The following CEP295 variants were observed in gnomAD, a reference collection of about 807,000 sequenced individuals.
CEP295 encodes the protein centrosomal protein 295, also known as centrosomal protein of 295 kDa.
In CEP295, 190 loss-of-function variants were observed where a neutral mutation model predicts 291.6. That is an observed-to-expected ratio of 0.65 (90% CI 0.58 to 0.73). The LOEUF (loss-of-function observed/expected upper bound fraction) is 0.73, where lower values mean the gene tolerates loss of function less well. CEP295 is among the 30% of genes least tolerant of loss of function. The pLI is 0.00. For synonymous variants in CEP295, 993 were observed against 1,038.8 expected (o/e 0.96, Z 0.85); for missense variants, 2,863 against 2,949.4 (o/e 0.97, Z 0.68).
chr11:93,722,338 T>A (rs572291047), intron 20 of CEP295, among the ~76,000 whole-genome samples: 1 of 152,008 alleles, frequency 6.6e-6, no homozygotes, highest in East Asian at 1.9e-4. Context: ...GGTAAGTGCC[T>A]GTAGTCCCAG....
rs1951923838 is a variant in CEP295 at position 93,697,756 on chromosome 11, T to C, written c.2844T>C (p.Asn948=). 1 of 1,551,562 alleles carries C rather than the reference T, an allele frequency of 6.4e-7. No homozygotes were observed. The highest frequency in any genetic ancestry group is 1.4e-5 in the African/African-American group (1 of 73,036). The change falls in exon 15 of 30, where the codon AAT becomes AAC. Residue 948 remains asparagine, a synonymous_variant. Transcript: ENST00000325212. ...CACAGCCTATCCTATCACAGCAAAA[T>C]AATTTTAAATTTCTCCAAGAGCAGT... is the stretch of plus-strand genomic sequence containing the variant. ...SLSQPILSQQ[N]NFKFLQEQLN...
At chr11:93,717,557 A>C (rs905547199) in intron 18 of CEP295, among the ~76,000 whole-genome samples, 3 of 152,234 alleles carry the variant, frequency 2.0e-5, no homozygotes, top group Non-Finnish European at 4.4e-5. Context: ...ATTCTGTTTC[A>C]GTACCTGAAA....
chr11:93,687,656 T>C lies in CEP295; in HGVS notation c.1127T>C (p.Met376Thr). The stretch of plus-strand genomic sequence containing the variant: ...TTCTTTCTTTTAGTTCCCTTGGTAA[T>C]GAAGACCCAACAGATTCCTTCAAAA... The part of the protein sequence containing the change: ...CSSETDVPLV[M>T]KTQQIPSKVL... The change falls in exon 10 of 30, where the codon ATG becomes ACG. Residue 376 changes from methionine (M) to threonine (T), a missense_variant. Transcript: ENST00000325212. 6.6e-7 allele frequency: 1 copy of C among 1,516,554 alleles called. No homozygotes were observed. The highest frequency in any genetic ancestry group is 8.9e-7 in the Non-Finnish European group (1 of 1,123,208). The allele number at this position is 1,516,554 out of a possible 1,614,324, so 93.9% of individuals were successfully genotyped here. A position where few individuals can be genotyped will look rare whatever the true frequency, so the allele number is the denominator to read the frequency against.
chr11:93,705,167 C>T (rs1952434752), intron 17 of CEP295, among the ~76,000 whole-genome samples: 2 of 152,020 alleles, frequency 1.3e-5, no homozygotes, highest in South Asian at 4.2e-4. Context: ...TTTTGTGGAA[C>T]ACCTTTTAGT....
chr11:93,724,508 T>A, intron 22 of CEP295, 133 bp downstream of exon 22: 1 of 886,918 alleles, frequency 1.1e-6, no homozygotes, highest in Non-Finnish European at 1.7e-6. Context: ...GGCTCACACC[T>A]GTAATCCCAG....
At chr11:93,663,341 A>G (rs1450671898) in intron 1 of CEP295, among the ~76,000 whole-genome samples, 1 of 152,152 alleles carries the variant, frequency 6.6e-6, no homozygotes, top group Non-Finnish European at 1.5e-5. Flanking sequence ...GGCGCTTGTA[A>G]CTTTTATCAG....
rs1019824144 is a variant in CEP295 at position 93,691,799 on chromosome 11, A to G, written c.1429+24A>G. 5 of 1,450,850 alleles carry G rather than the reference A, an allele frequency of 3.4e-6. No homozygotes were observed. The African/African-American group carries it at 7.1e-5, about 21-fold the overall frequency. The allele number at this position is 1,450,850 out of a possible 1,614,324, so 89.9% of individuals were successfully genotyped here. A position where few individuals can be genotyped will look rare whatever the true frequency, so the allele number is the denominator to read the frequency against. ...AGGTATTTCTTTTTATCACATCCTC[A>G]AATTAAATTTGACTCCTTGCATCTT... On this transcript the variant is annotated intron_variant, in intron 11 of 29. Coordinates refer to ENST00000325212, the MANE Select transcript of CEP295 (RefSeq NM_033395.2).
At chr11:93,700,641 T>A (rs1952099954) in intron 15 of CEP295, among the ~76,000 whole-genome samples, 1 of 151,684 alleles carries the variant, frequency 6.6e-6, no homozygotes, top group Admixed American at 6.6e-5. Context: ...CCCATGTTGC[T>A]GGGATTACAA....
intron 5 of CEP295, among the ~76,000 whole-genome samples, chr11:93,671,781 T>G (rs1396319845): frequency 6.6e-6 from 1 of 152,108 alleles, no homozygotes; most frequent in Non-Finnish European, 1.5e-5. Context: ...ATGCACCATA[T>G]AAGAATATTG....
At position 93,695,481 on chromosome 11, in the gene CEP295, G is replaced by C; in HGVS notation, c.1534-16G>C. ...TGAGTTTGTTGTTAATAGATCAATA[G>C]TATTTTGTTACCTAGATAATGGAAA... On this transcript the variant is annotated splice_polypyrimidine_tract_variant and intron_variant, in intron 12 of 29. Transcript: ENST00000325212. 7.1e-6 allele frequency: 10 copies of C among 1,416,888 alleles called. No homozygotes were observed. The highest frequency in any genetic ancestry group is 9.2e-6 in the Non-Finnish European group (10 of 1,086,072). The allele number at this position is 1,416,888 out of a possible 1,614,324, so 87.8% of individuals were successfully genotyped here. A position where few individuals can be genotyped will look rare whatever the true frequency, so the allele number is the denominator to read the frequency against.
In CEP295 at chr11:93,706,816, A is replaced by C; in HGVS notation, c.5668A>C (p.Ser1890Arg). The C allele has an allele frequency of 6.4e-7, 1 of 1,550,702 alleles. No homozygotes were observed. The highest frequency in any genetic ancestry group is 1.2e-5 in the South Asian group (1 of 83,954). The change falls in exon 18 of 30, where the codon AGC (serine) becomes CGC (arginine). Residue 1890 changes from serine to arginine, a missense_variant. Around this residue, in one of 3 missense-constraint regions of CEP295, gnomAD observed 2,295 missense variants for 2,335.7 expected, o/e 0.98. Transcript: ENST00000325212. ...AAGCCGAGAACAAAGTTTCTTTGGG[A>C]GCCCACTGGCCCATGATCCGTTTAG... ...SISREQSFFGSPLAHDPFSCL... is the reference protein window; with the variant it reads ...SISREQSFFGRPLAHDPFSCL...
At chr11:93,665,736 T>A (rs1950180886) in intron 1 of CEP295, among the ~76,000 whole-genome samples, 1 of 152,124 alleles carries the variant, frequency 6.6e-6, no homozygotes, top group Non-Finnish European at 1.5e-5. Flanking sequence ...TCTGGAAAAC[T>A]AAACGCTTGA....
chr11:93,674,017 A>G (rs1179471196), intron 5 of CEP295, among the ~76,000 whole-genome samples: 2 of 151,444 alleles, frequency 1.3e-5, no homozygotes, highest in African/African-American at 2.4e-5. Context: ...CAGTGGCACA[A>G]TCTTGGCTCA....
intron 17 of CEP295, among the ~76,000 whole-genome samples, chr11:93,704,440 C>T (rs1952391739): frequency 6.6e-6 from 1 of 152,084 alleles, no homozygotes; most frequent in Non-Finnish European, 1.5e-5. Flanking sequence ...GAAACCCCCT[C>T]TGGTGGCGCT....
intron 9 of CEP295, among the ~76,000 whole-genome samples, chr11:93,686,567 T>C (rs1462853129): frequency 6.6e-6 from 1 of 152,178 alleles, no homozygotes; most frequent in Non-Finnish European, 1.5e-5. Context: ...TGAATTTACT[T>C]CTTAAAAATG....
intron 6 of CEP295, among the ~76,000 whole-genome samples, chr11:93,677,615 A>G (rs532561487): frequency 6.6e-6 from 1 of 152,264 alleles, no homozygotes; most frequent in East Asian, 1.9e-4. Flanking sequence ...ATTCTTTGTC[A>G]GTGACAGTTA....
chr11:93,712,631 T>C (rs938122053), intron 18 of CEP295, among the ~76,000 whole-genome samples: 9 of 152,226 alleles, frequency 5.9e-5, no homozygotes, highest in African/African-American at 2.2e-4. Flanking sequence ...TCAATGTTTT[T>C]GTTTTCAGTC....
chr11:93,703,998 T>G (rs1952359687), intron 17 of CEP295, among the ~76,000 whole-genome samples: 1 of 152,026 alleles, frequency 6.6e-6, no homozygotes, highest in South Asian at 2.1e-4. Flanking sequence ...CTCCATCTCC[T>G]GACCTTGTGA....
At chr11:93,686,989 T>G (rs900665430) in intron 9 of CEP295, among the ~76,000 whole-genome samples, 2 of 152,240 alleles carry the variant, frequency 1.3e-5, no homozygotes, top group Admixed American at 6.5e-5. Context: ...TGCATCACAC[T>G]TTTGTCCTCT....
Sources: gnomAD v4.1 joint callset for allele counts (sites outside exome capture counted in the v4.1 genomes callset) on GRCh38, gnomAD v4.1.1 for gene constraint, gnomAD v4.1.1 regional missense constraint, MANE v1.5 for transcripts, NCBI Gene and HGNC (gene_info 2026-07-23, HGNC 2026-07-21) for gene names.